The following DDI2 variants were observed in gnomAD, a reference collection of about 807,000 sequenced individuals.
DDI2 encodes protein DDI1 homolog 2.
In DDI2, 5 loss-of-function variants were observed where a neutral mutation model predicts 48.1. That is an observed-to-expected ratio of 0.10 (90% CI 0.05 to 0.22). The LOEUF is 0.22. Ranked by LOEUF, DDI2 falls within the 10% of genes least tolerant of loss-of-function variation. DDI2 has a pLI of 1.00. For synonymous variants in DDI2, 205 were observed against 183.6 expected (o/e 1.12, Z -0.94); for missense variants, 285 against 506.2 (o/e 0.56, Z 4.19).
At chr1:15,620,998 G>C (rs1237349412) in intron 1 of DDI2, among the ~76,000 whole-genome samples, 1 of 152,216 alleles carries the variant, frequency 6.6e-6, no homozygotes, top group Non-Finnish European at 1.5e-5. Flanking sequence ...GTTGGAAAAG[G>C]TGTTAATTTT....
Position 15,661,752 on chromosome 1 carries a change from A to T in DDI2, c.*1962A>T, listed in dbSNP as rs762112286. The T allele has an allele frequency of 3.6e-5, 56 of 1,567,028 alleles. No homozygotes were observed. Among genetic ancestry groups the T allele is most frequent in the Non-Finnish European group, 4.8e-5 (55 of 1,157,660 alleles). On this transcript the variant is annotated 3_prime_UTR_variant, in exon 10 of 10. Coordinates refer to ENST00000480945, the MANE Select transcript of DDI2 (RefSeq NM_032341.5). Reference sequence around the variant, plus strand: ...GGGAAAGTGGGCTAGACCGTTCTCCATTCCCTTTAAACAAAAGAAAGCTCT... The same window carrying T: ...GGGAAAGTGGGCTAGACCGTTCTCCTTTCCCTTTAAACAAAAGAAAGCTCT...
chr1:15,638,187 C>T (rs545504096), intron 4 of DDI2, 120 bp from the exon 5 acceptor site: 37 of 1,416,482 alleles, frequency 2.6e-5, no homozygotes, highest in African/African-American at 7.2e-5. Context: ...TTCTATGACT[C>T]GGCTGCTGTG....
chr1:15,643,382 G>C, intron 5 of DDI2, 140 bp from the exon 6 acceptor site: 2 of 1,182,570 alleles, frequency 1.7e-6, no homozygotes, highest in Non-Finnish European at 2.3e-6. Context: ...CAGGGCACTT[G>C]CTAGGTAGAA....
At chr1:15,640,575 G>C (rs1639992341) in intron 5 of DDI2, among the ~76,000 whole-genome samples, 1 of 152,210 alleles carries the variant, frequency 6.6e-6, no homozygotes, top group South Asian at 2.1e-4. Context: ...AGGTGCTCAG[G>C]AGAGTCTTTC....
chr1:15,651,925 T>C, intron 8 of DDI2, 30 bp downstream of exon 8: 2 of 1,595,052 alleles, frequency 1.3e-6, no homozygotes, highest in Non-Finnish European at 1.7e-6. Flanking sequence ...TCTTCAATAC[T>C]TGTTATTGAT....
intron 8 of DDI2, among the ~76,000 whole-genome samples, chr1:15,655,306 G>A (rs1465067830): frequency 6.6e-6 from 1 of 152,134 alleles, no homozygotes; most frequent in African/African-American, 2.4e-5. Context: ...GGACATAGTA[G>A]GTGAAAGTAT....
intron 5 of DDI2, among the ~76,000 whole-genome samples, chr1:15,640,205 C>T (rs1013280074): frequency 2.6e-5 from 4 of 152,080 alleles, no homozygotes; most frequent in Non-Finnish European, 5.9e-5. Context: ...ACATAGAAGA[C>T]GCTAATAGAA....
chr1:15,641,954 TCAAAA>T (rs1557618469), intron 5 of DDI2, among the ~76,000 whole-genome samples: 2 of 51,552 alleles, frequency 3.9e-5, no homozygotes, highest in African/African-American at 7.2e-5. Context: ...AAATTCAGTC[TCAAAA>T]AAAAAAAAAA....
At chr1:15,629,355 G>A (rs1639807958) in intron 2 of DDI2, among the ~76,000 whole-genome samples, 2 of 152,102 alleles carry the variant, frequency 1.3e-5, no homozygotes, top group South Asian at 2.1e-4. Context: ...CAGCACTTTG[G>A]GAGGCTGAGG....
At chr1:15,644,498 C>T (rs922121938) in intron 6 of DDI2, among the ~76,000 whole-genome samples, 1 of 151,612 alleles carries the variant, frequency 6.6e-6, no homozygotes, top group African/African-American at 2.4e-5. Flanking sequence ...TTAACCTTTT[C>T]ACTGTCAGTG....
chr1:15,647,783 G>A (rs1387948868), intron 6 of DDI2, among the ~76,000 whole-genome samples: 1 of 151,984 alleles, frequency 6.6e-6, no homozygotes, highest in African/African-American at 2.4e-5. Flanking sequence ...GGGCCATAGC[G>A]AAACCACATC....
intron 7 of DDI2, among the ~76,000 whole-genome samples, 175 bp from the exon 8 acceptor site, chr1:15,651,531 C>A (rs746562644): frequency 2.6e-5 from 4 of 152,048 alleles, no homozygotes; most frequent in African/African-American, 4.8e-5. Context: ...GTTGGCCAGG[C>A]TGGTCTGGAA....
chr1:15,651,145 G>T (rs545294807), intron 7 of DDI2, among the ~76,000 whole-genome samples: 1 of 152,150 alleles, frequency 6.6e-6, no homozygotes, highest in African/African-American at 2.4e-5. Flanking sequence ...GAGCCACCAC[G>T]CCCGGCTCAC....
chr1:15,633,743 G>T, intron 4 of DDI2, 178 bp downstream of exon 4: 1 of 927,846 alleles, frequency 1.1e-6, no homozygotes, highest in Non-Finnish European at 1.6e-6. Flanking sequence ...ATTTCGATTT[G>T]ACATGACAAA....
At position 15,664,584 on chromosome 1, in the gene DDI2, A is replaced by G. The variant is rs186042264; in HGVS notation, c.*4794A>G. On this transcript the variant is annotated 3_prime_UTR_variant, in exon 10 of 10. Transcript: ENST00000480945. The stretch of plus-strand genomic sequence containing the variant: ...TCAATTAAGAGCTCCAGAAATGCAG[A>G]AATTATGGGTTAACTTCTAAGAATA... 21 of 152,330 alleles carry G rather than the reference A, an allele frequency of 1.4e-4. No homozygotes were observed. Among genetic ancestry groups the G allele is most frequent in the African/African-American group, 4.3e-4 (18 of 41,578 alleles). The allele number at this position is 152,330 out of a possible 1,614,324, so 9.4% of individuals were successfully genotyped here. A position where few individuals can be genotyped will look rare whatever the true frequency, so the allele number is the denominator to read the frequency against.
At chr1:15,636,942 T>C (rs950176917) in intron 4 of DDI2, among the ~76,000 whole-genome samples, 1 of 152,250 alleles carries the variant, frequency 6.6e-6, no homozygotes, top group Non-Finnish European at 1.5e-5. Flanking sequence ...AACAGCAGGC[T>C]ATGATTTACC....
At chr1:15,632,681 T>C (rs990037652) in intron 3 of DDI2, among the ~76,000 whole-genome samples, 1 of 152,132 alleles carries the variant, frequency 6.6e-6, no homozygotes, top group Non-Finnish European at 1.5e-5. Context: ...TTAATGTATC[T>C]GGCTTAAGGC....
In DDI2 at chr1:15,661,126, A is replaced by G. The variant is rs116499237; in HGVS notation, c.*1336A>G. 1.8e-5 allele frequency: 29 copies of G among 1,614,056 alleles called. No individual in the cohort carries two copies. In the African/African-American group the frequency reaches 3.7e-4, roughly 21 times the overall value. On this transcript the variant is annotated 3_prime_UTR_variant, in exon 10 of 10. Transcript: ENST00000480945. ...TCCACAAGTCTCCTTTCATCAGGCC[A>G]TATCTGTATCAGTGGAGACAGAAAA...
intron 7 of DDI2, among the ~76,000 whole-genome samples, chr1:15,650,526 C>T (rs1640161017): frequency 6.6e-6 from 1 of 152,022 alleles, no homozygotes; most frequent in Admixed American, 6.6e-5. Flanking sequence ...GGGAGGATTG[C>T]TTGAGGCCAG....
Sources: gnomAD v4.1 joint callset for allele counts (sites outside exome capture counted in the v4.1 genomes callset) on GRCh38, gnomAD v4.1.1 for gene constraint, MANE v1.5 for transcripts, NCBI Gene and HGNC (gene_info 2026-07-23, HGNC 2026-07-21) for gene names.